Variants in GRIK5 observed in about 807,000 individuals in gnomAD.
The protein encoded by GRIK5 is glutamate receptor ionotropic, kainate 5.
A neutral mutation model predicts 97.4 loss-of-function variants in GRIK5; 43 were observed. That is an observed-to-expected ratio of 0.44 (90% CI 0.35 to 0.57). The LOEUF is 0.57. Among genes scored for constraint, GRIK5 ranks in the 20% least tolerant of loss-of-function variants. The pLI is 0.01. For missense variants in GRIK5, 1,015 were observed against 1,382.0 expected (o/e 0.73, Z 4.21); for synonymous variants, 580 against 583.5 (o/e 0.99, Z 0.09).
At position 42,062,662 on chromosome 19, in the gene GRIK5, A is replaced by G; in HGVS notation, c.343-9T>C. 1 of 1,613,958 alleles carries G rather than the reference A, an allele frequency of 6.2e-7. No individual in the cohort carries two copies. The highest frequency in any genetic ancestry group is 1.1e-5 in the South Asian group (1 of 91,082). On this transcript the variant is annotated splice_polypyrimidine_tract_variant and intron_variant, in intron 4 of 19. Transcript: ENST00000593562. This position sits in a 1 kb window ranked among gnomAD's most constrained non-coding sequence, Gnocchi z 5.3. ...ACCTTGATGTGGGGGATCTGGACAG[A>G]GAGGAAACTTTGGCCTCCATCCTGC...
intron 12 of GRIK5, among the ~76,000 whole-genome samples, chr19:42,036,997 C>T (rs893717469): frequency 6.6e-6 from 1 of 152,194 alleles, no homozygotes; most frequent in Non-Finnish European, 1.5e-5. Context: ...GGTCACAAAG[C>T]CAGTAAGGAG....
intron 3 of GRIK5, among the ~76,000 whole-genome samples, chr19:42,063,114 G>C (rs559839869): frequency 7.9e-4 from 120 of 152,322 alleles, no homozygotes; most frequent in African/African-American, 2.8e-3. Context: ...AAGGGATGAA[G>C]AGAAAGAGAC....
At chr19:42,059,045 G>A (rs1315944243) in intron 6 of GRIK5, among the ~76,000 whole-genome samples, 1 of 151,930 alleles carries the variant, frequency 6.6e-6, no homozygotes, top group African/African-American at 2.4e-5. Flanking sequence ...TTGCTGTTCT[G>A]TACACACCAC....
intron 11 of GRIK5, among the ~76,000 whole-genome samples, chr19:42,052,277 C>A (rs762653193): frequency 1.3e-5 from 2 of 151,296 alleles, no homozygotes; most frequent in East Asian, 4.0e-4. Flanking sequence ...CTGACCTTTG[C>A]ACCCTGTTCC....
chr19:42,003,219 C>A lies in GRIK5; in HGVS notation c.2514+113G>T. On this transcript the variant is annotated intron_variant, in intron 19 of 19. Coordinates refer to ENST00000593562, the MANE Select transcript of GRIK5 (RefSeq NM_002088.5). This position sits in a 1 kb window ranked among gnomAD's most constrained non-coding sequence, Gnocchi z 4.2. ...CCCCACCTCCTGCATTCCTCTGCCC[C>A]CTTCTCGCGATCCCCACCACCCTCC... is the stretch of plus-strand genomic sequence containing the variant. 2.1e-6 allele frequency: 2 copies of A among 941,894 alleles called. No homozygotes were observed. Among genetic ancestry groups the A allele is most frequent in the South Asian group, 3.0e-5 (2 of 67,246 alleles). The allele number at this position is 941,894 out of a possible 1,614,324, so 58.3% of individuals were successfully genotyped here.
At chr19:42,049,181 C>A (rs1416773999) in intron 11 of GRIK5, among the ~76,000 whole-genome samples, 1 of 152,182 alleles carries the variant, frequency 6.6e-6, no homozygotes, top group African/African-American at 2.4e-5. Context: ...AACCGAGTAG[C>A]AAGTGGAATT....
chr19:42,065,921 T>A lies in GRIK5; in HGVS notation c.-50-101A>T, dbSNP rs1168134991. The A allele has an allele frequency of 4.6e-6, 3 of 646,388 alleles. No individual in the cohort carries two copies. The highest frequency in any genetic ancestry group is 8.3e-6 in the Non-Finnish European group (3 of 361,974). 40.0% of individuals were successfully genotyped at this position (646,388 alleles called of 1,614,324 possible). A position where few individuals can be genotyped will look rare whatever the true frequency, so the allele number is the denominator to read the frequency against. On this transcript the variant is annotated intron_variant, in intron 1 of 19. Transcript: ENST00000593562. This position sits in a 1 kb window ranked among gnomAD's most constrained non-coding sequence, Gnocchi z 5.8. ...GGTGGTCACAGAAGCCTTGGGGACA[T>A]TGTTGGCAAGCAGTTCACAGCTCTG...
rs1173676507 is a variant in GRIK5 at position 41,999,329 on chromosome 19, G to T, written c.2515-30C>A. The stretch of plus-strand genomic sequence containing the variant: ...GGGTGGCGCGGGCGGTCACCGTCCC[G>T]GCGCAGTCCGCCTCCCGCCTCCCCC... On this transcript the variant is annotated intron_variant, in intron 19 of 19. Coordinates refer to ENST00000593562, the MANE Select transcript of GRIK5 (RefSeq NM_002088.5). The surrounding 1 kb of genome is among the most constrained non-coding windows in gnomAD (Gnocchi z 5.0). 1 of 1,478,848 alleles carries T rather than the reference G, an allele frequency of 6.8e-7. No homozygotes were observed. The highest frequency in any genetic ancestry group is 1.3e-5 in the South Asian group (1 of 79,108). The allele number at this position is 1,478,848 out of a possible 1,614,324, so 91.6% of individuals were successfully genotyped here. A position where few individuals can be genotyped will look rare whatever the true frequency, so the allele number is the denominator to read the frequency against.
chr19:42,054,368 C>T lies in GRIK5; in HGVS notation c.1008G>A (p.Ser336=), dbSNP rs188331026. The T allele has an allele frequency of 2.7e-5, 43 of 1,613,494 alleles. No homozygotes were observed. The highest frequency in any genetic ancestry group is 3.2e-5 in the Non-Finnish European group (38 of 1,179,904). ...EIGVKPLACT[S]ANIWPHGTSL... Reference sequence around the variant, plus strand: ...TGGTCCCGTGGGGCCAAATGTTGGCCGATGTACAGGCCAGAGGCTTCACAC... The same window carrying T: ...TGGTCCCGTGGGGCCAAATGTTGGCTGATGTACAGGCCAGAGGCTTCACAC... Residue 336 remains serine (S), a synonymous_variant, in exon 9 of 20, where the codon TCG becomes TCA. Coordinates refer to ENST00000593562, the MANE Select transcript of GRIK5 (RefSeq NM_002088.5).
At chr19:42,040,808 T>G (rs949121677) in intron 12 of GRIK5, among the ~76,000 whole-genome samples, 1 of 151,580 alleles carries the variant, frequency 6.6e-6, no homozygotes, top group Non-Finnish European at 1.5e-5. Flanking sequence ...GAGGCAGAGG[T>G]TGCTGTGAGC....
At position 42,006,362 on chromosome 19, in the gene GRIK5, C is replaced by T. The variant is rs1358505536; in HGVS notation, c.2037+283G>A. On this transcript the variant is annotated intron_variant, in intron 16 of 19. Coordinates refer to ENST00000593562, the MANE Select transcript of GRIK5 (RefSeq NM_002088.5). This position sits in a 1 kb window ranked among gnomAD's most constrained non-coding sequence, Gnocchi z 5.3. ...GGGCCTTCCCTTCTCTCTGTCAGCCCATATTCCTGGTCCCGACCCTTCCAG... is the reference window on the plus strand; with the variant it reads ...GGGCCTTCCCTTCTCTCTGTCAGCCTATATTCCTGGTCCCGACCCTTCCAG... Among the ~76,000 whole-genome samples the T allele has an allele frequency of 1.3e-5, 2 of 152,182 alleles. No homozygotes were observed. The highest frequency in any genetic ancestry group is 2.4e-5 in the African/African-American group (1 of 41,442).
intron 11 of GRIK5, among the ~76,000 whole-genome samples, chr19:42,045,450 G>A (rs530195087): frequency 5.3e-5 from 8 of 152,216 alleles, no homozygotes; most frequent in Non-Finnish European, 8.8e-5. Context: ...CTGCCGCAGT[G>A]TGCCCAAGTG....
At chr19:42,066,123 A>G (rs1475863834) in intron 1 of GRIK5, among the ~76,000 whole-genome samples, 1 of 152,140 alleles carries the variant, frequency 6.6e-6, no homozygotes, top group Non-Finnish European at 1.5e-5. Context: ...CGAGGTTCTC[A>G]GGTAGGAGTG....
intron 12 of GRIK5, among the ~76,000 whole-genome samples, chr19:42,038,051 C>T (rs1432087174): frequency 6.6e-6 from 1 of 152,204 alleles, no homozygotes; most frequent in Non-Finnish European, 1.5e-5. Context: ...CTTCTTTGCC[C>T]TTGAAGGCTA....
chr19:42,065,184 C>T lies in GRIK5; in HGVS notation c.244+39G>A, dbSNP rs368520129. 29 of 1,570,328 alleles carry T rather than the reference C, an allele frequency of 1.8e-5. No homozygotes were observed. The highest frequency in any genetic ancestry group is 3.4e-5 in the Admixed American group (2 of 58,206). ...GAGGGATGGACTGAGGGCCACCGAC[C>T]TGCCCTGCCTCACCCCACGCCCCCA... On this transcript the variant is annotated intron_variant, in intron 3 of 19. Transcript: ENST00000593562. The surrounding 1 kb of genome is among the most constrained non-coding windows in gnomAD (Gnocchi z 5.8).
chr19:42,068,428 C>T, intron 1 of GRIK5: 1 of 287,676 alleles, frequency 3.5e-6, no homozygotes, highest in Non-Finnish European at 6.4e-6. Flanking sequence ...GTGGAAAGAG[C>T]CAGACCAGCC....
chr19:42,011,335 G>A (rs550902025), intron 15 of GRIK5, among the ~76,000 whole-genome samples: 16 of 150,482 alleles, frequency 1.1e-4, no homozygotes, highest in African/African-American at 2.4e-4. Flanking sequence ...GGAGGATCAC[G>A]AGGTCAGGAG....
rs1438535203 is a variant in GRIK5, at chr19:42,069,752, T to C, written c.-562A>G. Among the ~76,000 whole-genome samples, 1 of 150,636 alleles carries C rather than the reference T, an allele frequency of 6.6e-6. No homozygotes were observed. Among genetic ancestry groups the C allele is most frequent in the African/African-American group, 2.4e-5 (1 of 40,932 alleles). On this transcript the variant is annotated 5_prime_UTR_variant, in exon 1 of 20. Transcript: ENST00000593562. ...CCTGCTGGGGGAGGGGGCCGCCCCC[T>C]TTCCCCCTCCCCCCTGGAGCCTGGG... is the stretch of plus-strand genomic sequence containing the variant.
chr19:42,024,401 C>T (rs1048526123), intron 12 of GRIK5, among the ~76,000 whole-genome samples: 3 of 151,996 alleles, frequency 2.0e-5, no homozygotes, highest in African/African-American at 4.8e-5. Context: ...TTTGTAGAGA[C>T]GGGGTTTCAC....
Sources: gnomAD v4.1 joint callset for allele counts (sites outside exome capture counted in the v4.1 genomes callset) on GRCh38, gnomAD v4.1.1 for gene constraint, Gnocchi (gnomAD v3.1) non-coding constraint, MANE v1.5 for transcripts, NCBI Gene and HGNC (gene_info 2026-07-23, HGNC 2026-07-21) for gene names.